Variants in RNF213 observed in about 807,000 individuals in gnomAD.
RNF213 encodes the protein ring finger protein 213.
Under a neutral mutation model 514.4 loss-of-function variants are expected in RNF213, and 341 were observed. The observed-to-expected ratio is 0.66, with a 90% CI of 0.61 to 0.73. The LOEUF is 0.73. Among genes scored for constraint, RNF213 ranks in the 30% least tolerant of loss-of-function variants. RNF213 has a pLI of 0.00. For missense variants in RNF213, 5,767 were observed against 6,615.6 expected (o/e 0.87, Z 4.45); for synonymous variants, 2,655 against 2,658.2 (o/e 1.00, Z 0.04).
intron 20 of RNF213, among the ~76,000 whole-genome samples, chr17:80,330,408 T>TGGCCTGTCTCCTGAAGTC (rs1350703614): frequency 6.6e-6 from 1 of 152,168 alleles, no homozygotes; most frequent in Non-Finnish European, 1.5e-5. Flanking sequence ...ACCTGGAAGT[T>TGGCCTGTCTCCTGAAGTC]GGCCTGTCTC....
Position 80,279,170 on chromosome 17 carries a change from T to C in RNF213, c.261+5766T>C, listed in dbSNP as rs542991655. ...GCCCTTCTGGCCCACATCCTTCCAC[T>C]TGCCTTTTTACTCCGTGCAGCTGTC... On this transcript the variant is annotated intron_variant, in intron 3 of 67. Transcript: ENST00000582970. Among the ~76,000 whole-genome samples the C allele has an allele frequency of 3.9e-5, 6 of 152,322 alleles. No homozygotes were observed. The South Asian group carries it at 1.2e-3, about 32-fold the overall frequency.
intron 63 of RNF213, among the ~76,000 whole-genome samples, 172 bp downstream of exon 63, chr17:80,387,063 G>A (rs1332179128): frequency 2.6e-5 from 4 of 152,200 alleles, no homozygotes; most frequent in African/African-American, 7.2e-5. Context: ...TCTCCGGGCC[G>A]CAGGGCTCTC....
At position 80,339,867 on chromosome 17, in the gene RNF213, G is replaced by A. The variant is rs775861774; in HGVS notation, c.5500G>A (p.Val1834Ile). ...GCAGGTCGGCCAGCCCAACCTCGTC[G>A]TCTGTGGCCACTCCGAGGTGTTGCC... ...GLQVGQPNLV[V>I]CGHSEVLPAA... Residue 1834 changes from valine (V) to isoleucine (I), a missense_variant, in exon 26 of 68, where the codon GTC (valine) becomes ATC (isoleucine). By Grantham distance (29) the Val-to-Ile change is conservative. This residue lies in a region of RNF213 where 1,377 missense variants were observed against 1,635.2 expected (regional missense o/e 0.84). Transcript: ENST00000582970. The A allele has an allele frequency of 1.9e-5, 29 of 1,536,876 alleles. No homozygotes were observed. Among genetic ancestry groups the A allele is most frequent in the South Asian group, 8.3e-5 (7 of 84,044 alleles).
At chr17:80,392,725 G>C (rs918620628) in intron 67 of RNF213, among the ~76,000 whole-genome samples, 3 of 151,944 alleles carry the variant, frequency 2.0e-5, no homozygotes, top group Admixed American at 2.0e-4. Context: ...GAGTAGCTGG[G>C]ATTACAGGCA....
At chr17:80,302,154 G>T (rs1180232514) in intron 11 of RNF213, among the ~76,000 whole-genome samples, 1 of 152,176 alleles carries the variant, frequency 6.6e-6, no homozygotes, top group African/African-American at 2.4e-5. Flanking sequence ...GCTAGCCAAA[G>T]GTTGGCTAGT....
intron 2 of RNF213, among the ~76,000 whole-genome samples, chr17:80,269,918 T>C (rs1033238875): frequency 2.6e-5 from 4 of 152,018 alleles, no homozygotes; most frequent in Non-Finnish European, 4.4e-5. Flanking sequence ...ATGTCTCTTA[T>C]TTCTGAATCC....
At chr17:80,273,613 C>CTT (rs56957242) in intron 3 of RNF213, among the ~76,000 whole-genome samples, 1,498 of 97,508 alleles carry the variant, frequency 0.015, 30 homozygotes, top group East Asian at 0.1. Flanking sequence ...CCTCCACCGT[C>CTT]TTTTTTTTTT....
At chr17:80,293,033 A>G (rs1052502217) in intron 8 of RNF213, among the ~76,000 whole-genome samples, 1 of 152,036 alleles carries the variant, frequency 6.6e-6, no homozygotes, top group Non-Finnish European at 1.5e-5. Flanking sequence ...TATAGAGTAT[A>G]TATTTTTTCG....
chr17:80,346,524 A>T lies in RNF213; in HGVS notation c.8189A>T (p.Asp2730Val). The change falls in exon 29 of 68, where the codon GAT becomes GTT. Residue 2730 changes from aspartate (D) to valine (V), a missense_variant. Around this residue, in one of 13 missense-constraint regions of RNF213, gnomAD observed 1,377 missense variants for 1,635.2 expected, o/e 0.84. Coordinates refer to ENST00000582970, the MANE Select transcript of RNF213 (RefSeq NM_001256071.3). This position sits in a 1 kb window ranked among gnomAD's most constrained non-coding sequence, Gnocchi z 8.1. ...LLLDEITRAQ[D>V]LFLDGVPLRK... ...CTGGATGAAATAACACGGGCACAGG[A>T]TCTTTTTCTGGACGGCGTACCTCTG... is the stretch of plus-strand genomic sequence containing the variant. The T allele has an allele frequency of 1.9e-6, 3 of 1,613,570 alleles. No individual in the cohort carries two copies. Among genetic ancestry groups the T allele is most frequent in the Non-Finnish European group, 8.5e-7 (1 of 1,180,022 alleles).
chr17:80,311,771 C>A (rs1342020088), intron 14 of RNF213, among the ~76,000 whole-genome samples: 2 of 152,150 alleles, frequency 1.3e-5, no homozygotes, highest in Non-Finnish European at 2.9e-5. Context: ...AGCACCTGAG[C>A]GTATCCAGGT....
intron 14 of RNF213, among the ~76,000 whole-genome samples, chr17:80,310,038 C>T (rs906987839): frequency 6.6e-6 from 1 of 151,992 alleles, no homozygotes. Context: ...CAGGCTTAAA[C>T]CACCACGCCC....
intron 48 of RNF213, 31 bp from the exon 49 acceptor site, chr17:80,372,944 C>A: frequency 6.2e-7 from 1 of 1,603,502 alleles, no homozygotes; most frequent in Non-Finnish European, 8.5e-7. Flanking sequence ...AAGTCACCAG[C>A]CACTCACCCG....
intron 25 of RNF213, among the ~76,000 whole-genome samples, chr17:80,338,922 T>G (rs2078066140): frequency 6.7e-6 from 1 of 149,100 alleles, no homozygotes; most frequent in Non-Finnish European, 1.5e-5. Flanking sequence ...CACTCCAGCC[T>G]GGGCAACAAT....
In RNF213 at chr17:80,263,214, C is replaced by A. The variant is rs1185197381; in HGVS notation, c.-108-360C>A. Among the ~76,000 whole-genome samples the A allele has an allele frequency of 1.3e-5, 2 of 152,228 alleles. No homozygotes were observed. The highest frequency in any genetic ancestry group is 2.9e-5 in the Non-Finnish European group (2 of 68,042). On this transcript the variant is annotated intron_variant, in intron 1 of 67. Coordinates refer to ENST00000582970, the MANE Select transcript of RNF213 (RefSeq NM_001256071.3). This position sits in a 1 kb window ranked among gnomAD's most constrained non-coding sequence, Gnocchi z 4.9. Reference sequence around the variant, plus strand: ...TGACTGCCAGCCCAGTAGCCCTGGGCTGCCTGCTCAGGCCCCATCACCTGT... The same window carrying A: ...TGACTGCCAGCCCAGTAGCCCTGGGATGCCTGCTCAGGCCCCATCACCTGT...
chr17:80,274,021 A>G (rs988846337), intron 3 of RNF213, among the ~76,000 whole-genome samples: 4 of 152,046 alleles, frequency 2.6e-5, no homozygotes, highest in African/African-American at 9.7e-5. Flanking sequence ...CTGTGTCCCA[A>G]GCTTCTGTGG....
At chr17:80,372,361 A>G (rs2079550008) in intron 47 of RNF213, among the ~76,000 whole-genome samples, 160 bp from the exon 48 acceptor site, 1 of 152,208 alleles carries the variant, frequency 6.6e-6, no homozygotes. Context: ...TAAAATAAAA[A>G]GGAATGTTAG....
At position 80,280,114 on chromosome 17, in the gene RNF213, G is replaced by A. The variant is rs8073256; in HGVS notation, c.261+6710G>A. On this transcript the variant is annotated intron_variant, in intron 3 of 67. Coordinates refer to ENST00000582970, the MANE Select transcript of RNF213 (RefSeq NM_001256071.3). ...TTCCTCTGTGGGCTGGGGCTTGGCC[G>A]TGAGCCCACTCCTGCAGCTCCTGGG... Among the ~76,000 whole-genome samples the A allele has an allele frequency of 4.8e-3, 724 of 151,846 alleles. 4 individuals are homozygous for A. Among genetic ancestry groups the A allele is most frequent in the African/African-American group, 0.017 (700 of 41,182 alleles).
At chr17:80,278,258 G>A (rs964328439) in intron 3 of RNF213, among the ~76,000 whole-genome samples, 1 of 152,228 alleles carries the variant, frequency 6.6e-6, no homozygotes, top group East Asian at 1.9e-4. Context: ...TGGTGTGGAA[G>A]GGAGGTGTCG....
At chr17:80,376,171 C>G (rs2079749734) in intron 51 of RNF213, 130 bp from the exon 52 acceptor site, 1 of 1,075,006 alleles carries the variant, frequency 9.3e-7, no homozygotes, top group Non-Finnish European at 1.4e-6. Flanking sequence ...GAAAAATTTC[C>G]CCCTCAAATG....
Sources: gnomAD v4.1 joint callset for allele counts (sites outside exome capture counted in the v4.1 genomes callset) on GRCh38, gnomAD v4.1.1 for gene constraint, gnomAD v4.1.1 regional missense constraint, Gnocchi (gnomAD v3.1) non-coding constraint, MANE v1.5 for transcripts, NCBI Gene and HGNC (gene_info 2026-07-23, HGNC 2026-07-21) for gene names.